Variants in PACSIN1 observed in about 807,000 individuals in gnomAD.
PACSIN1 encodes the protein protein kinase C and casein kinase substrate in neurons 1, also known as protein kinase C and casein kinase substrate in neurons protein 1.
A neutral mutation model predicts 59.5 loss-of-function variants in PACSIN1; 15 were observed. The ratio of observed to expected loss-of-function variants is 0.25; its 90% CI spans 0.17 to 0.39. The LOEUF (loss-of-function observed/expected upper bound fraction) is 0.39. Ranked by LOEUF, PACSIN1 falls within the 10% of genes least tolerant of loss-of-function variation. The pLI, the probability that PACSIN1 is intolerant of heterozygous loss-of-function variation, is 1.00. For missense variants in PACSIN1, 420 were observed against 580.2 expected (o/e 0.72, Z 2.84); for synonymous variants, 210 against 220.6 (o/e 0.95, Z 0.42).
Position 34,532,189 on chromosome 6 carries a change from C to A in PACSIN1, c.1226-232C>A, listed in dbSNP as rs1317131151. 6.6e-6 allele frequency among the ~76,000 whole-genome samples: 1 copy of A among 151,900 alleles called. No individual in the cohort carries two copies. The highest frequency in any genetic ancestry group is 1.5e-5 in the Non-Finnish European group (1 of 67,976). On this transcript the variant is annotated intron_variant, in intron 9 of 9. Transcript: ENST00000244458. The surrounding 1 kb of genome is among the most constrained non-coding windows in gnomAD (Gnocchi z 5.2). ...TGGATGCGAGGTCTGGTTTTGGGGA[C>A]GGACCCGACACCCAGATTAGGTGAA...
chr6:34,500,619 C>T (rs1767009724), intron 1 of PACSIN1, among the ~76,000 whole-genome samples: 1 of 152,212 alleles, frequency 6.6e-6, no homozygotes, highest in Non-Finnish European at 1.5e-5. Flanking sequence ...GGTAAATGAG[C>T]ACTGGCTTCA....
rs1362059387 is a variant in PACSIN1, at chr6:34,521,096, C to T, written c.-63-5147C>T. ...GGCACTGCACTGGATGCTGGAAATA[C>T]GGCAGATAACCAGACAGATAAACAC... On this transcript the variant is annotated intron_variant, in intron 1 of 9. Transcript: ENST00000244458. This position sits in a 1 kb window ranked among gnomAD's most constrained non-coding sequence, Gnocchi z 4.3. Among the ~76,000 whole-genome samples, 6 of 152,230 alleles carry T rather than the reference C, an allele frequency of 3.9e-5. No homozygotes were observed. Among genetic ancestry groups the T allele is most frequent in the Admixed American group, 1.3e-4 (2 of 15,292 alleles).
intron 1 of PACSIN1, among the ~76,000 whole-genome samples, chr6:34,508,056 G>T (rs530328233): frequency 6.6e-6 from 1 of 152,212 alleles, no homozygotes; most frequent in East Asian, 1.9e-4. Flanking sequence ...ATTCCTTTGG[G>T]TAAATACCCA....
chr6:34,527,199 CG>C, intron 2 of PACSIN1, 132 bp from the exon 3 acceptor site: 1 of 740,534 alleles, frequency 1.4e-6, no homozygotes, highest in Non-Finnish European at 1.7e-6. Context: ...GGGGCGGGGG[CG>C]GGGGCGGGGA....
Position 34,522,116 on chromosome 6 carries a change from C to A in PACSIN1, c.-63-4127C>A, listed in dbSNP as rs148457134. Among the ~76,000 whole-genome samples, 215 of 152,270 alleles carry A rather than the reference C, an allele frequency of 1.4e-3. 1 individual carries two copies. The highest frequency in any genetic ancestry group is 4.7e-3 in the African/African-American group (194 of 41,550). ...ATGAACGAGGTGCTGGGTGTGAGGG[C>A]CTGTCCTGAGGAAGTGCTCAGTAAG... On this transcript the variant is annotated intron_variant, in intron 1 of 9. Transcript: ENST00000244458.
In PACSIN1 at chr6:34,530,416, CAGG is replaced by C; in HGVS notation, c.910-43_910-41del. 6.2e-7 allele frequency: 1 copy of C among 1,603,058 alleles called. No individual in the cohort carries two copies. Among genetic ancestry groups the C allele is most frequent in the Non-Finnish European group, 8.5e-7 (1 of 1,172,384 alleles). ...AGCCTGAAGAGGCTGAAAGGTGCCT[CAGG>C]GCATAGTCCCCCAGCCTGACTGCTC... On this transcript the variant is annotated intron_variant, in intron 7 of 9. Transcript: ENST00000244458. This position sits in a 1 kb window ranked among gnomAD's most constrained non-coding sequence, Gnocchi z 4.4.
chr6:34,502,588 C>T (rs1384568442), intron 1 of PACSIN1, among the ~76,000 whole-genome samples: 3 of 151,728 alleles, frequency 2.0e-5, no homozygotes, highest in East Asian at 3.9e-4. Context: ...GCCTCAGCCT[C>T]CAGAGTAGCT....
chr6:34,526,469 C>A, intron 2 of PACSIN1, 101 bp downstream of exon 2: 1 of 936,114 alleles, frequency 1.1e-6, no homozygotes, highest in Non-Finnish European at 1.7e-6. Context: ...CCCCACTCCG[C>A]AGTCCCCCAG....
intron 1 of PACSIN1, among the ~76,000 whole-genome samples, chr6:34,481,609 G>C (rs541435963): frequency 6.6e-6 from 1 of 151,758 alleles, no homozygotes; most frequent in Non-Finnish European, 1.5e-5. Context: ...GGTGGAGCTT[G>C]CAGTGAGCCG....
intron 1 of PACSIN1, among the ~76,000 whole-genome samples, chr6:34,476,682 C>G (rs1386433682): frequency 1.3e-5 from 2 of 152,206 alleles, no homozygotes; most frequent in African/African-American, 4.8e-5. Flanking sequence ...TTTCTGCCAG[C>G]CCCAGCATGG....
rs1173987282 is a variant in PACSIN1 at position 34,521,556 on chromosome 6, A to T, written c.-63-4687A>T. ...CCATTACAGACTTGGCCCACATCTC[A>T]CTGGTAGTAGTTGGGTGAGCTGGCT... On this transcript the variant is annotated intron_variant, in intron 1 of 9. Transcript: ENST00000244458. This position sits in a 1 kb window ranked among gnomAD's most constrained non-coding sequence, Gnocchi z 4.3. Among the ~76,000 whole-genome samples, 1 of 151,838 alleles carries T rather than the reference A, an allele frequency of 6.6e-6. No homozygotes were observed. Among genetic ancestry groups the T allele is most frequent in the Non-Finnish European group, 1.5e-5 (1 of 67,924 alleles).
In PACSIN1 at chr6:34,490,226, CTTTTT is replaced by C. The variant is rs56754772; in HGVS notation, c.-64+23973_-64+23977del. On this transcript the variant is annotated intron_variant, in intron 1 of 9. Coordinates refer to ENST00000244458, the MANE Select transcript of PACSIN1 (RefSeq NM_020804.5). ...CCACCACACCTGGCTAATTTAAAAA[CTTTTT>C]TTTTTTTTTTTTTTTTGTAGAGACA... Among the ~76,000 whole-genome samples, 873 of 102,714 alleles carry C rather than the reference CTTTTT, an allele frequency of 8.5e-3. 5 individuals carry two copies. The highest frequency in any genetic ancestry group is 0.034 in the African/African-American group (831 of 24,386). The allele number at this position is 102,714 out of a possible 152,430, so 67.4% of individuals were successfully genotyped here.
At chr6:34,487,275 G>T (rs866113098) in intron 1 of PACSIN1, among the ~76,000 whole-genome samples, 1 of 152,124 alleles carries the variant, frequency 6.6e-6, no homozygotes, top group African/African-American at 2.4e-5. Context: ...ATCCTGGAAG[G>T]TTCCCTCCTG....
chr6:34,490,780 C>T (rs1036128188), intron 1 of PACSIN1, among the ~76,000 whole-genome samples: 1 of 152,208 alleles, frequency 6.6e-6, no homozygotes, highest in Non-Finnish European at 1.5e-5. Flanking sequence ...AGCATGCCCC[C>T]CTTCTCCAGG....
intron 1 of PACSIN1, among the ~76,000 whole-genome samples, chr6:34,509,072 C>T (rs1248435391): frequency 6.6e-6 from 1 of 152,130 alleles, no homozygotes; most frequent in African/African-American, 2.4e-5. Context: ...GATGTCAGAT[C>T]TAAGAAATCA....
chr6:34,471,327 C>T (rs1766568905), intron 1 of PACSIN1, among the ~76,000 whole-genome samples: 1 of 152,132 alleles, frequency 6.6e-6, no homozygotes, highest in South Asian at 2.1e-4. Flanking sequence ...ATTTTCTGTT[C>T]TTGAGTGTGG....
intron 1 of PACSIN1, among the ~76,000 whole-genome samples, chr6:34,480,500 A>G (rs1766701679): frequency 6.6e-6 from 1 of 152,132 alleles, no homozygotes; most frequent in East Asian, 1.9e-4. Context: ...TGCTGGGATT[A>G]CAGGCATGAG....
At chr6:34,499,671 C>CTT (rs1185185923) in intron 1 of PACSIN1, among the ~76,000 whole-genome samples, 3 of 151,824 alleles carry the variant, frequency 2.0e-5, no homozygotes, top group African/African-American at 7.3e-5. Flanking sequence ...TGACGGGCAC[C>CTT]TGTAATCCCA....
Position 34,516,282 on chromosome 6 carries a change from G to A in PACSIN1, c.-63-9961G>A, listed in dbSNP as rs368799620. ...GGGGCATACACGCTGAGAAGCTGGC[G>A]TGGCTCTGCTCATTTCTGCAAACGT... On this transcript the variant is annotated intron_variant, in intron 1 of 9. Transcript: ENST00000244458. The surrounding 1 kb of genome is among the most constrained non-coding windows in gnomAD (Gnocchi z 5.4). 7.1e-4 allele frequency among the ~76,000 whole-genome samples: 108 copies of A among 152,284 alleles called. No homozygotes were observed. The highest frequency in any genetic ancestry group is 2.5e-3 in the African/African-American group (102 of 41,556).
Sources: gnomAD v4.1 joint callset for allele counts (sites outside exome capture counted in the v4.1 genomes callset) on GRCh38, gnomAD v4.1.1 for gene constraint, Gnocchi (gnomAD v3.1) non-coding constraint, MANE v1.5 for transcripts, NCBI Gene and HGNC (gene_info 2026-07-23, HGNC 2026-07-21) for gene names.